CMIP: variants seen among roughly 807,000 people sequenced by gnomAD.
CMIP encodes the protein C-Maf-inducing protein.
In CMIP, 13 loss-of-function variants were observed where a neutral mutation model predicts 97.3. The ratio of observed to expected loss-of-function variants is 0.13; its 90% confidence interval spans 0.09 to 0.21. The LOEUF is 0.21. Among genes scored for constraint, CMIP ranks in the 10% least tolerant of loss-of-function variants. CMIP has a pLI of 1.00. For missense variants in CMIP, 847 were observed against 1,024.9 expected (o/e 0.83, Z 2.37); for synonymous variants, 538 against 436.3 (o/e 1.23, Z -2.91).
intron 3 of CMIP, among the ~76,000 whole-genome samples, chr16:81,649,152 A>G (rs1397307633): frequency 6.6e-6 from 1 of 152,262 alleles, no homozygotes; most frequent in Non-Finnish European, 1.5e-5. Context: ...CATAAGAGCT[A>G]GCACTGTGCT....
chr16:81,476,265 A>G (rs1301192655), intron 1 of CMIP: 24 of 1,550,920 alleles, frequency 1.5e-5, no homozygotes, highest in East Asian at 2.2e-5. Flanking sequence ...TGAAGTTCTC[A>G]TCTTCAAATT....
chr16:81,606,734 C>T (rs752211594), intron 1 of CMIP, among the ~76,000 whole-genome samples: 3 of 152,060 alleles, frequency 2.0e-5, no homozygotes, highest in Non-Finnish European at 4.4e-5. Context: ...GATAATGACA[C>T]AGAATAAAGC....
chr16:81,645,584 G>T, intron 3 of CMIP: 1 of 1,536,060 alleles, frequency 6.5e-7, no homozygotes, highest in Non-Finnish European at 8.7e-7. Context: ...CAGAGCGATG[G>T]CAAGTGTTGC....
At chr16:81,536,573 C>T (rs2090347175) in intron 1 of CMIP, among the ~76,000 whole-genome samples, 1 of 152,144 alleles carries the variant, frequency 6.6e-6, no homozygotes, top group African/African-American at 2.4e-5. Flanking sequence ...GTCTCCGGAA[C>T]CTTCTTTCTA....
chr16:81,606,424 C>A (rs1372891113), intron 1 of CMIP, among the ~76,000 whole-genome samples: 1 of 152,164 alleles, frequency 6.6e-6, no homozygotes, highest in Non-Finnish European at 1.5e-5. Flanking sequence ...GTCTGGCTTC[C>A]TGGAGCCAAA....
At chr16:81,591,474 G>A (rs1172140578) in intron 1 of CMIP, among the ~76,000 whole-genome samples, 2 of 152,208 alleles carry the variant, frequency 1.3e-5, no homozygotes, top group Non-Finnish European at 2.9e-5. Flanking sequence ...ATCTGGGGGA[G>A]GAGCACTACT....
At chr16:81,615,911 C>T (rs542238459) in intron 2 of CMIP, among the ~76,000 whole-genome samples, 31 of 152,068 alleles carry the variant, frequency 2.0e-4, no homozygotes, top group Non-Finnish European at 3.7e-4. Context: ...TTACCGTGGA[C>T]AAACATGGCT....
At chr16:81,637,765 T>C (rs920537046) in intron 3 of CMIP, among the ~76,000 whole-genome samples, 3 of 139,858 alleles carry the variant, frequency 2.1e-5, no homozygotes, top group Admixed American at 1.5e-4. Context: ...TAAGTTGGCA[T>C]GCTGAGCATG....
rs149699822 is a variant in CMIP at position 81,621,651 on chromosome 16, C to G, written c.477+725C>G. 6.6e-3 allele frequency: 1,008 copies of G among 152,902 alleles called. 6 individuals carry two copies. Among genetic ancestry groups the G allele is most frequent in the Middle Eastern group, 0.033 (10 of 302 alleles). The allele number at this position is 152,902 out of a possible 1,614,324, so 9.5% of individuals were successfully genotyped here. ...TGGTTTAGAACAAGCTTTGACAGGC[C>G]CCTGGCCCCACAGCGGGTATGGCTG... On this transcript the variant is annotated intron_variant, in intron 3 of 20. Coordinates refer to ENST00000537098, the MANE Select transcript of CMIP (RefSeq NM_198390.3). This position sits in a 1 kb window ranked among gnomAD's most constrained non-coding sequence, Gnocchi z 4.1.
At chr16:81,615,519 G>A (rs1339491378) in intron 2 of CMIP, among the ~76,000 whole-genome samples, 1 of 147,336 alleles carries the variant, frequency 6.8e-6, no homozygotes, top group African/African-American at 2.5e-5. Flanking sequence ...GTGTGCAGGT[G>A]TATGTGTTTT....
At chr16:81,641,439 A>G (rs766845194) in intron 3 of CMIP, among the ~76,000 whole-genome samples, 2 of 152,142 alleles carry the variant, frequency 1.3e-5, no homozygotes, top group Admixed American at 6.5e-5. Flanking sequence ...AATGTGCTCA[A>G]ACAGCATCTG....
intron 16 of CMIP, 77 bp downstream of exon 16, chr16:81,701,877 G>A: frequency 6.4e-7 from 1 of 1,571,922 alleles, no homozygotes. Flanking sequence ...GGGGCAGCTA[G>A]TACTTGGACC....
chr16:81,484,326 G>T (rs933133898), intron 1 of CMIP, among the ~76,000 whole-genome samples: 3 of 152,220 alleles, frequency 2.0e-5, no homozygotes, highest in Non-Finnish European at 2.9e-5. Context: ...AGCCAAAACC[G>T]CCTGTGAAGG....
At chr16:81,696,328 C>T (rs1278403164) in intron 13 of CMIP, 6 of 587,604 alleles carry the variant, frequency 1.0e-5, no homozygotes, top group African/African-American at 7.5e-5. Context: ...CCCTCCTGTG[C>T]AGCTGACAGC....
rs74427701 is a variant in CMIP at position 81,460,957 on chromosome 16, A to G, written c.300+15416A>G. Reference sequence around the variant, plus strand: ...TATGACAATCCTGTGAAGTTTTTCAATGATGAAGGAAACTGAGGCTTAGAG... The same window carrying G: ...TATGACAATCCTGTGAAGTTTTTCAGTGATGAAGGAAACTGAGGCTTAGAG... On this transcript the variant is annotated intron_variant, in intron 1 of 20. Transcript: ENST00000537098. Among the ~76,000 whole-genome samples, 49 of 152,304 alleles carry G rather than the reference A, an allele frequency of 3.2e-4. No homozygotes were observed. The East Asian group carries it at 8.3e-3, about 26-fold the overall frequency.
intron 1 of CMIP, among the ~76,000 whole-genome samples, chr16:81,548,787 A>G (rs1202738094): frequency 1.3e-5 from 2 of 152,198 alleles, no homozygotes; most frequent in South Asian, 2.1e-4. Context: ...TCAAGGCTGC[A>G]GTGAGCTACG....
At chr16:81,542,114 A>G (rs2090460545) in intron 1 of CMIP, among the ~76,000 whole-genome samples, 1 of 152,182 alleles carries the variant, frequency 6.6e-6, no homozygotes, top group African/African-American at 2.4e-5. Context: ...AACACAGCCC[A>G]GGAACAAGCT....
At chr16:81,670,373 G>C (rs2092670904) in intron 8 of CMIP, 128 bp downstream of exon 8, 2 of 985,126 alleles carry the variant, frequency 2.0e-6, no homozygotes, top group South Asian at 3.1e-5. Context: ...GAAGCCCCTA[G>C]CCTACTGCAC....
At chr16:81,451,151 T>G (rs915165760) in intron 1 of CMIP, among the ~76,000 whole-genome samples, 16 of 152,220 alleles carry the variant, frequency 1.1e-4, no homozygotes, top group Non-Finnish European at 2.1e-4. Context: ...TCTTGAGTTG[T>G]AGCTCCCATA....
Sources: allele counts gnomAD v4.1 joint callset (sites outside exome capture counted in the v4.1 genomes callset), GRCh38; gene constraint gnomAD v4.1.1; non-coding constraint Gnocchi (gnomAD v3.1); transcripts MANE v1.5; gene names NCBI Gene and HGNC (gene_info 2026-07-23, HGNC 2026-07-21).